The following IRAK3 variants were observed in gnomAD, a reference collection of about 807,000 sequenced individuals.
The protein encoded by IRAK3 is interleukin 1 receptor associated kinase 3.
IRAK3 carries 57 observed loss-of-function variants against 56.6 expected under a neutral mutation model. The observed-to-expected ratio is 1.01, with a 90% confidence interval of 0.81 to 1.26. The LOEUF is 1.26. Among genes scored for constraint, IRAK3 ranks in the 50% most tolerant of loss-of-function variants. The pLI is 0.00. For synonymous variants in IRAK3, 258 were observed against 255.7 expected (o/e 1.01, Z -0.09); for missense variants, 703 against 719.0 (o/e 0.98, Z 0.25).
chr12:66,244,277 A>G (rs1482381729), intron 8 of IRAK3, among the ~76,000 whole-genome samples: 1 of 152,234 alleles, frequency 6.6e-6, no homozygotes, highest in Admixed American at 6.5e-5. Context: ...TTCATAGGTC[A>G]GGTTTTTATT....
At chr12:66,206,148 CAA>C (rs1282538594) in intron 2 of IRAK3, among the ~76,000 whole-genome samples, 1 of 152,126 alleles carries the variant, frequency 6.6e-6, no homozygotes, top group Admixed American at 6.5e-5. Context: ...TCACAAACAG[CAA>C]AAGAAATAAT....
At chr12:66,197,269 G>T in intron 1 of IRAK3, 2 of 1,149,850 alleles carry the variant, frequency 1.7e-6, no homozygotes, top group Non-Finnish European at 2.1e-6. Context: ...TAGTCATTGA[G>T]AACTTTTCTC....
Position 66,248,159 on chromosome 12 carries a change from C to T in IRAK3, c.1779C>T (p.Tyr593=). ...SKFSWDEYEQ[Y]KKE The stretch of plus-strand genomic sequence containing the variant: ...TTTCCTGGGATGAATATGAACAGTA[C>T]AAAAAAGAATAAATTCTACCAGAAG... The change falls in exon 12 of 12, where the codon TAC becomes TAT. Residue 593 remains tyrosine, a synonymous_variant. Coordinates refer to ENST00000261233, the MANE Select transcript of IRAK3 (RefSeq NM_007199.3). The T allele has an allele frequency of 6.2e-7, 1 of 1,610,870 alleles. No individual in the cohort carries two copies. The highest frequency in any genetic ancestry group is 8.5e-7 in the Non-Finnish European group (1 of 1,177,612).
chr12:66,217,104 C>A, intron 5 of IRAK3, 67 bp from the exon 6 acceptor site: 3 of 1,130,520 alleles, frequency 2.7e-6, no homozygotes, highest in Admixed American at 3.4e-5. Flanking sequence ...AGACTATAGA[C>A]CCTGGGTTAA....
rs1021644416 is a variant in IRAK3, at chr12:66,252,474, C to T, written c.*4303C>T. ...CTCCTGCCTTTATCACTATCCTACT[C>T]CTCTGCTACAACTTCTCTGCTACAG... On this transcript the variant is annotated 3_prime_UTR_variant, in exon 12 of 12. Coordinates refer to ENST00000261233, the MANE Select transcript of IRAK3 (RefSeq NM_007199.3). 15 of 152,210 alleles carry T rather than the reference C, an allele frequency of 9.9e-5. No individual in the cohort carries two copies. The highest frequency in any genetic ancestry group is 3.6e-4 in the African/African-American group (15 of 41,440). 9.4% of individuals were successfully genotyped at this position (152,210 alleles called of 1,614,324 possible). A position where few individuals can be genotyped will look rare whatever the true frequency, so the allele number is the denominator to read the frequency against.
At chr12:66,235,635 G>A (rs189670951) in intron 8 of IRAK3, among the ~76,000 whole-genome samples, 2 of 152,042 alleles carry the variant, frequency 1.3e-5, no homozygotes, top group South Asian at 4.1e-4. Flanking sequence ...ATATTATTAA[G>A]TTATGTTTTT....
chr12:66,243,857 C>G (rs970056890), intron 8 of IRAK3, among the ~76,000 whole-genome samples: 2 of 152,196 alleles, frequency 1.3e-5, no homozygotes, highest in African/African-American at 4.8e-5. Flanking sequence ...TGCCTACCCC[C>G]AGCCAAAATG....
At chr12:66,212,432 T>C (rs2052621777) in intron 5 of IRAK3, among the ~76,000 whole-genome samples, 1 of 152,176 alleles carries the variant, frequency 6.6e-6, no homozygotes, top group African/African-American at 2.4e-5. Context: ...CAGTCAGAGA[T>C]AGGTCCACAC....
At position 66,189,354 on chromosome 12, in the gene IRAK3, G is replaced by C. The variant is rs1217824229; in HGVS notation, c.55G>C (p.Asp19His). 1.3e-6 allele frequency: 2 copies of C among 1,531,662 alleles called. No homozygotes were observed. Among genetic ancestry groups the C allele is most frequent in the Admixed American group, 2.0e-5 (1 of 50,916 alleles). The allele number at this position is 1,531,662 out of a possible 1,614,324, so 94.9% of individuals were successfully genotyped here. A position where few individuals can be genotyped will look rare whatever the true frequency, so the allele number is the denominator to read the frequency against. The change falls in exon 1 of 12, where the codon GAC (aspartate) becomes CAC (histidine). Residue 19 changes from aspartate to histidine, a missense_variant. Transcript: ENST00000261233. ...GALSAHTLLF[D>H]LPPALLGELC... ...GCTGTCGGCGCACACGCTGCTGTTC[G>C]ACCTGCCGCCCGCGCTGCTCGGAGA...
At chr12:66,214,058 C>T (rs975617692) in intron 5 of IRAK3, among the ~76,000 whole-genome samples, 11 of 152,070 alleles carry the variant, frequency 7.2e-5, no homozygotes, top group Non-Finnish European at 1.0e-4. Flanking sequence ...TTCAGTGCAG[C>T]GGACTGGGTG....
intron 8 of IRAK3, among the ~76,000 whole-genome samples, chr12:66,230,396 T>C (rs1347271284): frequency 6.6e-6 from 1 of 152,056 alleles, no homozygotes; most frequent in African/African-American, 2.4e-5. Context: ...AGTTGGGATA[T>C]TATTGTCATA....
chr12:66,217,746 C>T (rs1008181935), intron 6 of IRAK3, among the ~76,000 whole-genome samples: 2 of 152,148 alleles, frequency 1.3e-5, no homozygotes, highest in Admixed American at 6.5e-5. Context: ...GCTGTGCAGC[C>T]TTCCTCATTG....
At chr12:66,201,951 G>A (rs2052512070) in intron 1 of IRAK3, among the ~76,000 whole-genome samples, 1 of 152,170 alleles carries the variant, frequency 6.6e-6, no homozygotes, top group Admixed American at 6.5e-5. Context: ...ATCTTAACTG[G>A]ATGCGCTTAT....
At chr12:66,215,788 A>AAGTGCACGTGCGCGCGCGCGCGCG (rs1555203513) in intron 5 of IRAK3, among the ~76,000 whole-genome samples, 20 of 131,674 alleles carry the variant, frequency 1.5e-4, no homozygotes, top group African/African-American at 4.5e-4. Flanking sequence ...CCCAACATGC[A>AAGTGCACGTGCGCGCGCGCGCGCG]CACACACACA....
rs2053102914 is a variant in IRAK3, at chr12:66,251,852, CA to C, written c.*3683del. On this transcript the variant is annotated 3_prime_UTR_variant, in exon 12 of 12. Coordinates refer to ENST00000261233, the MANE Select transcript of IRAK3 (RefSeq NM_007199.3). ...TAATAAGGAAGACAGGGCATCTACC[CA>C]AGTCAACAGTTCAGTGACATCTGTT... 1 of 152,228 alleles carries C rather than the reference CA, an allele frequency of 6.6e-6. No homozygotes were observed. Among genetic ancestry groups the C allele is most frequent in the Non-Finnish European group, 1.5e-5 (1 of 68,050 alleles). 9.4% of individuals were successfully genotyped at this position (152,228 alleles called of 1,614,324 possible). A position where few individuals can be genotyped will look rare whatever the true frequency, so the allele number is the denominator to read the frequency against.
intron 6 of IRAK3, among the ~76,000 whole-genome samples, chr12:66,221,106 A>T (rs2052728883): frequency 6.6e-6 from 1 of 152,086 alleles, no homozygotes; most frequent in African/African-American, 2.4e-5. Flanking sequence ...ATTTATTCCT[A>T]AGTGTTTTAT....
chr12:66,215,788 A>ACGTGCTCGTGCGCGCGCGCG (rs375264640), intron 5 of IRAK3, among the ~76,000 whole-genome samples: 1 of 131,612 alleles, frequency 7.6e-6, no homozygotes, highest in Non-Finnish European at 1.7e-5. Flanking sequence ...CCCAACATGC[A>ACGTGCTCGTGCGCGCGCGCG]CACACACACA....
chr12:66,209,034 C>T (rs995415333), intron 2 of IRAK3, among the ~76,000 whole-genome samples: 5 of 146,204 alleles, frequency 3.4e-5, no homozygotes, highest in Non-Finnish European at 5.9e-5. Context: ...GATCATGCCA[C>T]TGTACTACAG....
chr12:66,235,260 G>A (rs1592598771), intron 8 of IRAK3: 3 of 1,571,004 alleles, frequency 1.9e-6, no homozygotes, highest in Non-Finnish European at 2.6e-6. Context: ...CTGCCCCCGG[G>A]GTTGCCGCTG....
Sources: allele counts gnomAD v4.1 joint callset (sites outside exome capture counted in the v4.1 genomes callset), GRCh38; gene constraint gnomAD v4.1.1; transcripts MANE v1.5; gene names NCBI Gene and HGNC (gene_info 2026-07-23, HGNC 2026-07-21).